The following CADPS variants were observed in gnomAD, a reference collection of about 807,000 sequenced individuals.
CADPS encodes calcium-dependent secretion activator 1.
CADPS carries 57 observed loss-of-function variants against 167.3 expected under a neutral mutation model. The observed-to-expected ratio is 0.34, with a 90% confidence interval of 0.28 to 0.42. The LOEUF (loss-of-function observed/expected upper bound fraction) is 0.42. Among genes scored for constraint, CADPS ranks in the 20% least tolerant of loss-of-function variants. CADPS has a pLI of 1.00. For missense variants in CADPS, 1,414 were observed against 1,738.1 expected, an observed-to-expected ratio of 0.81 and a Z score of 3.32; for synonymous variants, 676 against 635.3, an observed-to-expected ratio of 1.06 and a Z score of -0.96.
intron 21 of CADPS, among the ~76,000 whole-genome samples, chr3:62,485,031 CATT>C: frequency 6.6e-6 from 1 of 152,210 alleles, no homozygotes; most frequent in African/African-American, 2.4e-5. Context: ...ATCTTTTACT[CATT>C]ATCACCCTGC....
At chr3:62,739,179 TCA>T (rs2079644198) in intron 3 of CADPS, among the ~76,000 whole-genome samples, 1 of 152,188 alleles carries the variant, frequency 6.6e-6, no homozygotes, top group Non-Finnish European at 1.5e-5. Context: ...CCTTGTACTT[TCA>T]CACTTTTACT....
rs1043195720 is a variant in CADPS at position 62,875,165 on chromosome 3, C to G, written c.-136G>C. ...GTCAGGGAGCGAGAGCGCTGCTGCT[C>G]AGCCTCGGCCGCCGCGACTGATCCT... On this transcript the variant is annotated 5_prime_UTR_variant, in exon 1 of 30. Transcript: ENST00000383710. The G allele has an allele frequency of 1.7e-6, 2 of 1,160,830 alleles. No homozygotes were observed. Among genetic ancestry groups the G allele is most frequent in the Non-Finnish European group, 2.2e-6 (2 of 912,436 alleles). The allele number at this position is 1,160,830 out of a possible 1,614,324, so 71.9% of individuals were successfully genotyped here. A position where few individuals can be genotyped will look rare whatever the true frequency, so the allele number is the denominator to read the frequency against.
intron 6 of CADPS, among the ~76,000 whole-genome samples, chr3:62,598,381 G>A (rs1038948113): frequency 3.3e-5 from 5 of 152,236 alleles, no homozygotes; most frequent in Admixed American, 2.0e-4. Flanking sequence ...TTTTGTCAAT[G>A]CTTCCTACTC....
At chr3:62,506,328 C>T (rs1314170700) in intron 17 of CADPS, among the ~76,000 whole-genome samples, 1 of 152,134 alleles carries the variant, frequency 6.6e-6, no homozygotes, top group African/African-American at 2.4e-5. Flanking sequence ...GCGGAGGTTG[C>T]AGTGAGCCGA....
At chr3:62,636,043 T>A (rs1193798125) in intron 6 of CADPS, among the ~76,000 whole-genome samples, 1 of 152,208 alleles carries the variant, frequency 6.6e-6, no homozygotes, top group Admixed American at 6.5e-5. Flanking sequence ...ACTTTGATGG[T>A]CTGTGCTGTT....
chr3:62,654,546 C>T (rs7633623), intron 4 of CADPS, among the ~76,000 whole-genome samples: 123,809 of 152,062 alleles, frequency 0.81, 52,621 homozygotes, highest in Non-Finnish European at 0.94. Context: ...CTTTACATAG[C>T]CACACAATAT....
Position 62,465,626 on chromosome 3 carries a change from T to C in CADPS, c.3553-176A>G, listed in dbSNP as rs1368586411. On this transcript the variant is annotated intron_variant, in intron 25 of 29. Transcript: ENST00000383710. The surrounding 1 kb of genome is among the most constrained non-coding windows in gnomAD (Gnocchi z 4.1). ...ATAGACTGCCTTTACATAGAAATAT[T>C]TGACTTATCCGGCTTTCTCTTCATT... is the stretch of plus-strand genomic sequence containing the variant. Among the ~76,000 whole-genome samples the C allele has an allele frequency of 6.6e-6, 1 of 152,236 alleles. No individual in the cohort carries two copies. Among genetic ancestry groups the C allele is most frequent in the African/African-American group, 2.4e-5 (1 of 41,458 alleles).
chr3:62,500,816 A>G (rs1313969542), intron 17 of CADPS, among the ~76,000 whole-genome samples: 1 of 152,222 alleles, frequency 6.6e-6, no homozygotes, highest in East Asian at 1.9e-4. Context: ...TACAAAAAAA[A>G]AGGTTCTTAA....
At chr3:62,581,528 A>C (rs999377389) in intron 8 of CADPS, among the ~76,000 whole-genome samples, 5 of 151,802 alleles carry the variant, frequency 3.3e-5, no homozygotes, top group Non-Finnish European at 4.4e-5. Context: ...TTTTTTAAAA[A>C]AACTTAGCTG....
chr3:62,536,955 G>T (rs1469753625), intron 11 of CADPS, among the ~76,000 whole-genome samples: 7 of 152,082 alleles, frequency 4.6e-5, no homozygotes, highest in Non-Finnish European at 8.8e-5. Flanking sequence ...GTTTTTAATA[G>T]ATTCTGCCAT....
At chr3:62,696,298 G>T (rs2080262635) in intron 3 of CADPS, among the ~76,000 whole-genome samples, 1 of 152,088 alleles carries the variant, frequency 6.6e-6, no homozygotes, top group South Asian at 2.1e-4. Context: ...CTCCTTCCTG[G>T]TTTCTTCTTT....
rs1227847993 is a variant in CADPS at position 62,739,303 on chromosome 3, C to T, written c.888+14138G>A. 2.0e-5 allele frequency among the ~76,000 whole-genome samples: 3 copies of T among 152,278 alleles called. No individual in the cohort carries two copies. In the East Asian group the frequency reaches 5.8e-4, roughly 29 times the overall value. On this transcript the variant is annotated intron_variant, in intron 3 of 29. Coordinates refer to ENST00000383710, the MANE Select transcript of CADPS (RefSeq NM_003716.4). ...TGGCCTTCTAATAGAACAAAGCTTC[C>T]TACCAAACCCACAGCTGACAACAAA...
intron 3 of CADPS, among the ~76,000 whole-genome samples, chr3:62,709,200 A>G (rs768066447): frequency 7.2e-5 from 11 of 151,978 alleles, no homozygotes; most frequent in Non-Finnish European, 1.0e-4. Context: ...TCTTCCCCTA[A>G]CACTAACTTT....
intron 5 of CADPS, among the ~76,000 whole-genome samples, chr3:62,649,104 T>A (rs2150147398): frequency 6.6e-6 from 1 of 152,316 alleles, no homozygotes; most frequent in South Asian, 2.1e-4. Context: ...CATATTCTAA[T>A]CAACTGCACA....
chr3:62,472,770 A>C (rs2060778627), intron 24 of CADPS, among the ~76,000 whole-genome samples: 1 of 152,164 alleles, frequency 6.6e-6, no homozygotes, highest in Admixed American at 6.5e-5. Flanking sequence ...GATTTGTCAA[A>C]CTCCAGCTTT....
At chr3:62,748,867 C>A (rs532652890) in intron 3 of CADPS, among the ~76,000 whole-genome samples, 126 of 152,184 alleles carry the variant, frequency 8.3e-4, no homozygotes, top group African/African-American at 2.8e-3. Flanking sequence ...GCCACCACAC[C>A]CAGCTAGTTT....
chr3:62,513,623 G>A (rs770844477), intron 16 of CADPS: 1 of 1,506,452 alleles, frequency 6.6e-7, no homozygotes, highest in South Asian at 1.2e-5. Flanking sequence ...TGGTGAGGAG[G>A]TGGTAGGTAC....
chr3:62,650,803 T>C, intron 5 of CADPS, 44 bp downstream of exon 5: 1 of 1,463,062 alleles, frequency 6.8e-7, no homozygotes, highest in Non-Finnish European at 9.6e-7. Context: ...GCCCATGTCC[T>C]ACTTGCTGTG....
intron 6 of CADPS, among the ~76,000 whole-genome samples, chr3:62,599,878 AATAT>A (rs199812969): frequency 1.2e-4 from 9 of 72,554 alleles, no homozygotes; most frequent in African/African-American, 3.9e-4. Context: ...AATAATATAT[AATAT>A]ATATATATTA....
Sources: allele counts gnomAD v4.1 joint callset (sites outside exome capture counted in the v4.1 genomes callset), GRCh38; gene constraint gnomAD v4.1.1; non-coding constraint Gnocchi (gnomAD v3.1); transcripts MANE v1.5; gene names NCBI Gene and HGNC (gene_info 2026-07-23, HGNC 2026-07-21).